IL1RAPL2: variants seen among roughly 807,000 people sequenced by gnomAD.
IL1RAPL2 encodes interleukin 1 receptor accessory protein like 2.
Under a neutral mutation model 44.1 loss-of-function variants are expected in IL1RAPL2, and 3 were observed. The ratio of observed to expected loss-of-function variants is 0.07; its 90% CI spans 0.03 to 0.18. The LOEUF (loss-of-function observed/expected upper bound fraction) is 0.18. IL1RAPL2 is among the 10% of genes least tolerant of loss of function. The pLI is 1.00. For missense variants in IL1RAPL2, 391 were observed against 496.4 expected, an observed-to-expected ratio of 0.79 and a Z score of 2.02; for synonymous variants, 181 against 178.8, an observed-to-expected ratio of 1.01 and a Z score of -0.10.
chrX:104,601,064 T>G, intron 1 of IL1RAPL2, among the ~76,000 whole-genome samples: 1 of 112,086 alleles, frequency 8.9e-6, no homozygotes, highest in Middle Eastern at 4.7e-3. Flanking sequence ...AACCCATTAT[T>G]TATTAGTAAA....
chrX:105,157,151 A>G (rs16984643), intron 2 of IL1RAPL2, among the ~76,000 whole-genome samples: 2,905 of 109,362 alleles, frequency 0.027, 35 homozygotes, highest in Non-Finnish European at 0.04. Flanking sequence ...TAAAAAAAGC[A>G]TATGCCATGA....
At chrX:104,721,033 A>T (rs1931665485) in intron 2 of IL1RAPL2, among the ~76,000 whole-genome samples, 1 of 111,288 alleles carries the variant, frequency 9.0e-6, no homozygotes, top group East Asian at 2.8e-4. Flanking sequence ...GAAACAACAG[A>T]TGCTGGTGAG....
At chrX:104,962,047 A>G (rs918497227) in intron 2 of IL1RAPL2, among the ~76,000 whole-genome samples, 3 of 112,135 alleles carry the variant, frequency 2.7e-5, no homozygotes, top group Non-Finnish European at 5.6e-5. Context: ...GTAGGAACTC[A>G]GGAACAGTTT....
intron 6 of IL1RAPL2, among the ~76,000 whole-genome samples, chrX:105,697,533 T>C (rs1264368396): frequency 9.0e-6 from 1 of 110,527 alleles, no homozygotes; most frequent in African/African-American, 3.3e-5. Flanking sequence ...TTTGTTTATA[T>C]GATGCCAGCT....
chrX:104,634,529 T>C (rs1350989447), intron 1 of IL1RAPL2, among the ~76,000 whole-genome samples: 8 of 112,106 alleles, frequency 7.1e-5, no homozygotes, highest in African/African-American at 2.3e-4. Context: ...TGGGTGCTCC[T>C]GTGCTGGGTG....
At chrX:105,690,590 A>G (rs868025302) in intron 6 of IL1RAPL2, among the ~76,000 whole-genome samples, 52 of 111,993 alleles carry the variant, frequency 4.6e-4, no homozygotes, top group African/African-American at 1.5e-3. Context: ...TACCTACATT[A>G]TGTGAACTCG....
chrX:105,538,709 G>C (rs1256749485), intron 6 of IL1RAPL2, among the ~76,000 whole-genome samples: 1 of 111,520 alleles, frequency 9.0e-6, no homozygotes, highest in Non-Finnish European at 1.9e-5. Context: ...GCAAGAGAAA[G>C]AAATACTAGG....
intron 3 of IL1RAPL2, among the ~76,000 whole-genome samples, chrX:105,217,245 A>G (rs782285620): frequency 3.6e-5 from 4 of 110,891 alleles, no homozygotes; most frequent in Non-Finnish European, 7.5e-5. Context: ...ATGAACTCCA[A>G]CAAATTTACA....
chrX:104,777,512 T>C (rs1262086773), intron 2 of IL1RAPL2, among the ~76,000 whole-genome samples: 1 of 107,459 alleles, frequency 9.3e-6, no homozygotes, highest in African/African-American at 3.4e-5. Context: ...AATATGGGTG[T>C]ACAAATATCT....
intron 6 of IL1RAPL2, among the ~76,000 whole-genome samples, chrX:105,666,308 G>T (rs1018059739): frequency 2.7e-5 from 3 of 110,738 alleles, no homozygotes; most frequent in Non-Finnish European, 3.8e-5. Flanking sequence ...GTCCAGGGGG[G>T]TCACTGCCTT....
At chrX:105,118,236 A>T (rs1188628905) in intron 2 of IL1RAPL2, among the ~76,000 whole-genome samples, 2 of 112,654 alleles carry the variant, frequency 1.8e-5, no homozygotes, top group East Asian at 5.6e-4. Flanking sequence ...GTCTTTGATG[A>T]TCCAGAAACA....
chrX:105,503,357 T>C (rs935920152), intron 6 of IL1RAPL2, among the ~76,000 whole-genome samples: 8 of 111,261 alleles, frequency 7.2e-5, no homozygotes, highest in African/African-American at 2.6e-4. Context: ...GTTAATTAAC[T>C]GGACTACTTT....
At chrX:104,741,853 A>G (rs191892191) in intron 2 of IL1RAPL2, among the ~76,000 whole-genome samples, 1 of 111,520 alleles carries the variant, frequency 9.0e-6, no homozygotes, top group East Asian at 2.8e-4. Context: ...ACTTTTCTAT[A>G]ATGAAATAAT....
intron 2 of IL1RAPL2, among the ~76,000 whole-genome samples, chrX:104,705,049 G>A (rs1602688943): frequency 9.0e-6 from 1 of 111,703 alleles, no homozygotes; most frequent in African/African-American, 3.3e-5. Context: ...AGCATTGGAG[G>A]GGGAGGAGAA....
At chrX:105,462,848 G>T (rs2036102434) in intron 5 of IL1RAPL2, among the ~76,000 whole-genome samples, 1 of 110,312 alleles carries the variant, frequency 9.1e-6, no homozygotes, top group Non-Finnish European at 1.9e-5. Context: ...ATGGTCTTTT[G>T]CCCAACTCAC....
intron 2 of IL1RAPL2, among the ~76,000 whole-genome samples, chrX:104,788,336 G>C (rs759567673): frequency 8.1e-5 from 9 of 111,660 alleles, no homozygotes; most frequent in Admixed American, 6.7e-4. Flanking sequence ...AGAGACACTG[G>C]ACAAGTAACT....
At chrX:105,011,263 C>G (rs1324746238) in intron 2 of IL1RAPL2, among the ~76,000 whole-genome samples, 1 of 107,294 alleles carries the variant, frequency 9.3e-6, no homozygotes, top group Non-Finnish European at 1.9e-5. Flanking sequence ...ATATTTAATT[C>G]TCAATATTTA....
At chrX:104,642,420 C>T (rs1929951637) in intron 1 of IL1RAPL2, among the ~76,000 whole-genome samples, 1 of 111,570 alleles carries the variant, frequency 9.0e-6, no homozygotes, top group Non-Finnish European at 1.9e-5. Context: ...TTATTTTCAA[C>T]TTTGGTAGTG....
intron 6 of IL1RAPL2, among the ~76,000 whole-genome samples, chrX:105,701,596 G>A (rs2038119835): frequency 9.0e-6 from 1 of 110,768 alleles, no homozygotes; most frequent in African/African-American, 3.3e-5. Context: ...GGGAGGAACT[G>A]GCCACTTACC....
Sources: gnomAD v4.1 joint callset for allele counts (sites outside exome capture counted in the v4.1 genomes callset) on GRCh38, gnomAD v4.1.1 for gene constraint, MANE v1.5 for transcripts, NCBI Gene and HGNC (gene_info 2026-07-23, HGNC 2026-07-21) for gene names.